The following C4orf50 variants were observed in gnomAD, a reference collection of about 807,000 sequenced individuals.
C4orf50 encodes the protein uncharacterized protein C4orf50.
In C4orf50, 80 loss-of-function variants were observed where a neutral mutation model predicts 77.2. That is an observed-to-expected ratio of 1.04 (90% CI 0.87 to 1.25). The LOEUF (loss-of-function observed/expected upper bound fraction) is 1.25, where lower values mean the gene tolerates loss of function less well. Among genes scored for constraint, C4orf50 ranks in the 50% most tolerant of loss-of-function variants. C4orf50 has a pLI of 0.00. For synonymous variants in C4orf50, 532 were observed against 465.3 expected (o/e 1.14, Z -1.84); for missense variants, 1,257 against 1,152.9 (o/e 1.09, Z -1.31).
chr4:5,959,456 G>A (rs764652793), exon 34 of C4orf50: 14 of 1,614,194 alleles, frequency 8.7e-6, no homozygotes, highest in Admixed American at 5.0e-5. Flanking sequence ...GAAAAGCCAG[G>A]ATCCTTGCTG....
At chr4:5,943,307 T>C (rs1718342387) in intron 7 of C4orf50, among the ~76,000 whole-genome samples, 1 of 152,228 alleles carries the variant, frequency 6.6e-6, no homozygotes. Context: ...TCTGTTTCTT[T>C]GCATTCACTT....
chr4:5,936,562 C>CA (rs374200584), intron 7 of C4orf50, among the ~76,000 whole-genome samples: 20,361 of 75,212 alleles, frequency 0.27, 3,758 homozygotes, highest in African/African-American at 0.53. Flanking sequence ...GACGCCATCT[C>CA]AAAAAAAAAA....
chr4:5,918,993 G>A (rs542267102), intron 7 of C4orf50, among the ~76,000 whole-genome samples: 3 of 152,262 alleles, frequency 2.0e-5, no homozygotes, highest in South Asian at 4.2e-4. Flanking sequence ...CTGCACAGAT[G>A]GGGAAACTGA....
chr4:5,990,512 A>T (rs1274143980), exon 28 of C4orf50: 2 of 399,072 alleles, frequency 5.0e-6, no homozygotes, highest in Non-Finnish European at 8.8e-6. Flanking sequence ...TGACAATCCC[A>T]GCCTGGGTGT....
downstream of C4orf50, among the ~76,000 whole-genome samples, chr4:5,953,261 A>G (rs2108757716): frequency 6.6e-6 from 1 of 152,278 alleles, no homozygotes; most frequent in South Asian, 2.1e-4. Flanking sequence ...CAAGCTGCAG[A>G]CGAGAGAGTG....
rs73071522 is a variant in C4orf50 at position 6,011,931 on chromosome 4, G to A, written c.325C>T (p.Arg109Trp). The change falls in exon 24 of 34, where the codon CGG becomes TGG. Residue 109 changes from arginine (R) to tryptophan (W), a missense_variant. Transcript: ENST00000531445. This position sits in a 1 kb window ranked among gnomAD's most constrained non-coding sequence, Gnocchi z 4.2. ...TGGGTGCTCAGCTGGTCCACCTTCC[G>A]GAGGAGTTTCCTTTCTGACAGCTCC... 95 of 399,070 alleles carry A rather than the reference G, an allele frequency of 2.4e-4. No individual in the cohort carries two copies. Among genetic ancestry groups the A allele is most frequent in the African/African-American group, 1.7e-3 (84 of 48,754 alleles). The allele number at this position is 399,070 out of a possible 1,614,324, so 24.7% of individuals were successfully genotyped here.
At chr4:5,923,766 G>C (rs546517397) in intron 7 of C4orf50, among the ~76,000 whole-genome samples, 2 of 152,202 alleles carry the variant, frequency 1.3e-5, no homozygotes, top group African/African-American at 4.8e-5. Flanking sequence ...GTGTCAACTT[G>C]ATTGGGTTGA....
chr4:5,975,139 C>CAAAAAAAAAAAAAAAA lies in C4orf50; in HGVS notation c.3921+744_3921+759dup, dbSNP rs763836859. Among the ~76,000 whole-genome samples the CAAAAAAAAAAAAAAAA allele has an allele frequency of 4.8e-5, 4 of 82,872 alleles. 1 individual carries two copies. Among genetic ancestry groups the CAAAAAAAAAAAAAAAA allele is most frequent in the East Asian group, 2.3e-3 (2 of 870 alleles). The allele number at this position is 82,872 out of a possible 152,430, so 54.4% of individuals were successfully genotyped here. ...TGGGCGACAGAGTGACACTCCATCT[C>CAAAAAAAAAAAAAAAA]AAAAAAAAAAAAAAAAAAAAAAAAA... On this transcript the variant is annotated intron_variant, in intron 30 of 33. Transcript: ENST00000531445.
At chr4:5,987,184 G>C (rs929244640) in intron 28 of C4orf50, among the ~76,000 whole-genome samples, 1 of 151,888 alleles carries the variant, frequency 6.6e-6, no homozygotes, top group Admixed American at 6.5e-5. Context: ...GCCTAGGTGG[G>C]CAGATCGCCT....
Position 6,011,868 on chromosome 4 carries a change from C to T in C4orf50, c.388G>A (p.Glu130Lys). ...TCCCCCTGCAGCGCCGCCAGCTTCT[C>T]CTGGGCCTGGAGCCAGGCGCTTCTC... Residue 130 changes from glutamate to lysine, a missense_variant, in exon 24 of 34, where the codon GAG becomes AAG. Physicochemically the swap from Glu to Lys is moderately conservative, Grantham distance 56 (BLOSUM62 1). Coordinates refer to ENST00000531445, the Ensembl canonical transcript of C4orf50. This position sits in a 1 kb window ranked among gnomAD's most constrained non-coding sequence, Gnocchi z 4.2. 1 of 399,068 alleles carries T rather than the reference C, an allele frequency of 2.5e-6. No homozygotes were observed. Among genetic ancestry groups the T allele is most frequent in the Non-Finnish European group, 4.4e-6 (1 of 226,060 alleles). The allele number at this position is 399,068 out of a possible 1,614,324, so 24.7% of individuals were successfully genotyped here. A position where few individuals can be genotyped will look rare whatever the true frequency, so the allele number is the denominator to read the frequency against.
chr4:5,912,490 T>G (rs1716852708), intron 7 of C4orf50, among the ~76,000 whole-genome samples: 1 of 152,214 alleles, frequency 6.6e-6, no homozygotes, highest in Non-Finnish European at 1.5e-5. Context: ...TCTACCAAAT[T>G]ACTTTCAAGG....
Position 6,008,168 on chromosome 4 carries a change from T to G in C4orf50, c.791A>C (p.His264Pro), listed in dbSNP as rs114443678. The G allele has an allele frequency of 2.5e-6, 1 of 398,578 alleles. No homozygotes were observed. The highest frequency in any genetic ancestry group is 2.1e-5 in the African/African-American group (1 of 48,616). The allele number at this position is 398,578 out of a possible 1,614,324, so 24.7% of individuals were successfully genotyped here. ...GCGGAGCTGGCGCTCGGTGGCCCGGTGCTCCTGCAGGCTGCGCGCCGCCTC... is the reference window on the plus strand; with the variant it reads ...GCGGAGCTGGCGCTCGGTGGCCCGGGGCTCCTGCAGGCTGCGCGCCGCCTC... Residue 264 changes from histidine (H) to proline (P), a missense_variant, in exon 25 of 34, where the codon CAC (histidine) becomes CCC (proline). Transcript: ENST00000531445. This position sits in a 1 kb window ranked among gnomAD's most constrained non-coding sequence, Gnocchi z 6.0.
At chr4:5,944,870 A>G (rs979585483) in intron 7 of C4orf50, among the ~76,000 whole-genome samples, 1 of 152,092 alleles carries the variant, frequency 6.6e-6, no homozygotes, top group African/African-American at 2.4e-5. Context: ...GAGAGGACTA[A>G]CACTTCCAAG....
chr4:5,989,283 T>G (rs767834628), exon 28 of C4orf50: 1 of 1,535,926 alleles, frequency 6.5e-7, no homozygotes, highest in South Asian at 1.2e-5. Context: ...TGCTCCTCAC[T>G]CTCTCGAGGG....
At chr4:5,964,345 G>T (rs1719433275) in intron 33 of C4orf50, among the ~76,000 whole-genome samples, 1 of 152,096 alleles carries the variant, frequency 6.6e-6, no homozygotes. Context: ...ACTCCTTGTC[G>T]ACTCAGCCTT....
At chr4:5,962,694 T>C (rs1022771138) in intron 33 of C4orf50, among the ~76,000 whole-genome samples, 1 of 152,372 alleles carries the variant, frequency 6.6e-6, no homozygotes, top group Admixed American at 6.5e-5. Flanking sequence ...TGGGTGACCT[T>C]TGCCCCCTCT....
At chr4:5,973,576 C>A in intron 31 of C4orf50, 83 bp downstream of exon 9, 1 of 1,165,454 alleles carries the variant, frequency 8.6e-7, no homozygotes, top group Non-Finnish European at 1.2e-6. Flanking sequence ...AAAGGAGGGG[C>A]TGCTCCAGTC....
intron 7 of C4orf50, among the ~76,000 whole-genome samples, chr4:5,909,799 G>A (rs920212775): frequency 6.6e-6 from 1 of 152,210 alleles, no homozygotes; most frequent in African/African-American, 2.4e-5. Flanking sequence ...CACCTCTGTT[G>A]AAAATCAGTT....
chr4:5,989,469 T>C (rs1276458938), exon 28 of C4orf50: 8 of 1,535,816 alleles, frequency 5.2e-6, no homozygotes, highest in Non-Finnish European at 7.0e-6. Context: ...TACCCCAATT[T>C]CCCCAAACCT....
Sources: gnomAD v4.1 joint callset for allele counts (sites outside exome capture counted in the v4.1 genomes callset) on GRCh38, gnomAD v4.1.1 for gene constraint, Gnocchi (gnomAD v3.1) non-coding constraint, MANE v1.5 for transcripts, NCBI Gene and HGNC (gene_info 2026-07-23, HGNC 2026-07-21) for gene names.